Variants in ROCK2 observed in about 807,000 individuals in gnomAD.
ROCK2 encodes Rho associated coiled-coil containing protein kinase 2.
Under a neutral mutation model 195.1 loss-of-function variants are expected in ROCK2, and 61 were observed. The observed-to-expected ratio is 0.31, with a 90% confidence interval of 0.25 to 0.39. The LOEUF is 0.39. ROCK2 is among the 10% of genes least tolerant of loss of function. The pLI, the probability that ROCK2 is intolerant of heterozygous loss-of-function variation, is 1.00. For missense variants in ROCK2, 1,109 were observed against 1,637.4 expected (o/e 0.68, Z 5.57); for synonymous variants, 504 against 545.5 (o/e 0.92, Z 1.06).
At chr2:11,293,533 T>G (rs1166994304) in intron 1 of ROCK2, among the ~76,000 whole-genome samples, 2 of 152,206 alleles carry the variant, frequency 1.3e-5, no homozygotes, top group Non-Finnish European at 2.9e-5. Flanking sequence ...TCCTTGAGCC[T>G]CAGGCTCTAA....
chr2:11,268,556 G>C (rs1284326120), intron 3 of ROCK2, among the ~76,000 whole-genome samples: 1 of 147,724 alleles, frequency 6.8e-6, no homozygotes, highest in Non-Finnish European at 1.5e-5. Flanking sequence ...GTGTGTGTGT[G>C]TCTCTGCATT....
chr2:11,250,898 C>T (rs530871958), intron 3 of ROCK2, among the ~76,000 whole-genome samples: 121 of 152,296 alleles, frequency 7.9e-4, no homozygotes, highest in African/African-American at 2.9e-3. Context: ...CCTGTCATTC[C>T]TCTGCTTAAA....
At chr2:11,252,768 A>G (rs1665880635) in intron 3 of ROCK2, among the ~76,000 whole-genome samples, 1 of 152,092 alleles carries the variant, frequency 6.6e-6, no homozygotes. Context: ...ACGTGGACAC[A>G]GGGAGTGGAA....
At chr2:11,195,829 T>C (rs187443814) in intron 27 of ROCK2, among the ~76,000 whole-genome samples, 486 of 152,358 alleles carry the variant, frequency 3.2e-3, no homozygotes, top group African/African-American at 0.011. Flanking sequence ...ACGTACATTT[T>C]AGATAAAATT....
intron 18 of ROCK2, among the ~76,000 whole-genome samples, chr2:11,209,775 T>C (rs1664184570): frequency 6.6e-6 from 1 of 152,166 alleles, no homozygotes; most frequent in South Asian, 2.1e-4. Context: ...TATTATAAAG[T>C]TGTATTAGGT....
rs765702766 is a variant in ROCK2, at chr2:11,222,133, T to C, written c.1049A>G (p.Gln350Arg). The change falls in exon 8 of 33, where the codon CAG becomes CGG. Residue 350 changes from glutamine (Q) to arginine (R), a missense_variant. Physicochemically the swap from Gln to Arg is conservative, Grantham distance 43. Coordinates refer to ENST00000315872, the MANE Select transcript of ROCK2 (RefSeq NM_004850.5). Reference sequence around the variant, plus strand: ...CTGATCATTCTTAAAGAAAGGATGCTGTCTGATTTCTTCCACCCCATTTCT... The same window carrying C: ...CTGATCATTCTTAAAGAAAGGATGCCGTCTGATTTCTTCCACCCCATTTCT... ...LGRNGVEEIRQHPFFKNDQWH... is the reference protein window; with the variant it reads ...LGRNGVEEIRRHPFFKNDQWH... 6.2e-7 allele frequency: 1 copy of C among 1,611,306 alleles called. No individual in the cohort carries two copies. Among genetic ancestry groups the C allele is most frequent in the African/African-American group, 1.3e-5 (1 of 74,896 alleles).
At chr2:11,193,667 G>A in intron 30 of ROCK2, 112 bp downstream of exon 30, 1 of 536,620 alleles carries the variant, frequency 1.9e-6, no homozygotes, top group Non-Finnish European at 3.3e-6. Flanking sequence ...AAGGTAACCT[G>A]AAGAGGGTCA....
rs1431335544 is a variant in ROCK2, at chr2:11,198,547, C to T, written c.3043G>A (p.Ala1015Thr). The T allele has an allele frequency of 5.0e-6, 8 of 1,613,224 alleles. No individual in the cohort carries two copies. The African/African-American group carries it at 9.3e-5, about 19-fold the overall frequency. Residue 1015 changes from alanine to threonine, a missense_variant, in exon 25 of 33, where the codon GCT (alanine) becomes ACT (threonine). Physicochemically the swap from Ala to Thr is moderately conservative, Grantham distance 58. Coordinates refer to ENST00000315872, the MANE Select transcript of ROCK2 (RefSeq NM_004850.5). ...TGCTTCTCAAACTGTGCTTTAATAGCTGCTGCGCTTATTTCTTCATCTTTC... is the reference window on the plus strand; with the variant it reads ...TGCTTCTCAAACTGTGCTTTAATAGTTGCTGCGCTTATTTCTTCATCTTTC... ...RLKDEEISAA[A>T]IKAQFEKQLL...
intron 3 of ROCK2, among the ~76,000 whole-genome samples, chr2:11,269,984 C>G (rs1666569225): frequency 6.6e-6 from 1 of 152,154 alleles, no homozygotes; most frequent in African/African-American, 2.4e-5. Flanking sequence ...AAACTCCTGG[C>G]CTCAAGCAAT....
intron 1 of ROCK2, among the ~76,000 whole-genome samples, chr2:11,332,741 G>C (rs1196202036): frequency 6.6e-6 from 1 of 152,176 alleles, no homozygotes; most frequent in Non-Finnish European, 1.5e-5. Flanking sequence ...CCACTCCTTG[G>C]AATCTGTCCA....
At position 11,214,413 on chromosome 2, in the gene ROCK2, C is replaced by T. The variant is rs200475392; in HGVS notation, c.1987G>A (p.Ala663Thr). The change falls in exon 17 of 33, where the codon GCG (alanine) becomes ACG (threonine). Residue 663 changes from alanine (A) to threonine (T), a missense_variant. Coordinates refer to ENST00000315872, the MANE Select transcript of ROCK2 (RefSeq NM_004850.5). ...EDLKNGKILL[A>T]KVELEKRQLQ... ...TGTCTCTTCTCCAGTTCTACTTTCG[C>T]TAGTAAGATTTTGCCGTTCTTTAAA... 5.0e-4 allele frequency: 809 copies of T among 1,611,126 alleles called. No homozygotes were observed. Among genetic ancestry groups the T allele is most frequent in the Non-Finnish European group, 6.3e-4 (746 of 1,178,014 alleles).
intron 3 of ROCK2, among the ~76,000 whole-genome samples, chr2:11,272,310 T>C (rs1666665641): frequency 6.6e-6 from 1 of 152,160 alleles, no homozygotes; most frequent in South Asian, 2.1e-4. Flanking sequence ...AAAATCTCAA[T>C]AAAGGTAAAT....
chr2:11,211,577 T>C, intron 18 of ROCK2, 104 bp downstream of exon 18: 1 of 1,115,906 alleles, frequency 9.0e-7, no homozygotes, highest in Non-Finnish European at 1.2e-6. Context: ...ATTCCCAATA[T>C]TTGACAATGA....
chr2:11,310,016 C>A (rs1374903863), intron 1 of ROCK2, among the ~76,000 whole-genome samples: 1 of 152,052 alleles, frequency 6.6e-6, no homozygotes, highest in Non-Finnish European at 1.5e-5. Flanking sequence ...AGAGCTATGT[C>A]AAAATTTTTC....
At chr2:11,287,938 T>C (rs931036356) in intron 1 of ROCK2, among the ~76,000 whole-genome samples, 6 of 152,236 alleles carry the variant, frequency 3.9e-5, no homozygotes, top group Non-Finnish European at 8.8e-5. Flanking sequence ...GCCCCTATCA[T>C]GTTTTCCTGT....
At chr2:11,328,390 A>G (rs1668612904) in intron 1 of ROCK2, among the ~76,000 whole-genome samples, 1 of 152,246 alleles carries the variant, frequency 6.6e-6, no homozygotes, top group Non-Finnish European at 1.5e-5. Flanking sequence ...TGTTATACAC[A>G]TAGTTTTTCA....
At chr2:11,303,889 T>C (rs1667778950) in intron 1 of ROCK2, among the ~76,000 whole-genome samples, 1 of 152,218 alleles carries the variant, frequency 6.6e-6, no homozygotes, top group African/African-American at 2.4e-5. Context: ...CTTTAGACAG[T>C]CCTTCACTAT....
At chr2:11,252,939 TATAATAATAATAATA>T (rs199970738) in intron 3 of ROCK2, among the ~76,000 whole-genome samples, 166 of 143,336 alleles carry the variant, frequency 1.2e-3, no homozygotes, top group African/African-American at 2.9e-3. Context: ...AACTTAAAAG[TATAATAATAATAATA>T]ATAATAATAA....
At chr2:11,248,222 G>C (rs180856695) in intron 4 of ROCK2, among the ~76,000 whole-genome samples, 1 of 137,926 alleles carries the variant, frequency 7.3e-6, no homozygotes, top group East Asian at 2.5e-4. Flanking sequence ...TTTGGGGGGG[G>C]ATGGGGGGAG....
Sources: allele counts gnomAD v4.1 joint callset (sites outside exome capture counted in the v4.1 genomes callset), GRCh38; gene constraint gnomAD v4.1.1; transcripts MANE v1.5; gene names NCBI Gene and HGNC (gene_info 2026-07-23, HGNC 2026-07-21).